The following VWA5B1 variants were observed in gnomAD, a reference collection of about 807,000 sequenced individuals.
The protein encoded by VWA5B1 is von Willebrand factor A domain containing 5B1, also known as von Willebrand factor A domain-containing protein 5B1.
VWA5B1 carries 115 observed loss-of-function variants against 118.2 expected under a neutral mutation model. That is an observed-to-expected ratio of 0.97 (90% CI 0.84 to 1.14). VWA5B1 has a LOEUF of 1.14. VWA5B1 is among the 50% of genes most tolerant of loss of function. The pLI is 0.00. For synonymous variants in VWA5B1, 682 were observed against 658.4 expected (o/e 1.04, Z -0.55); for missense variants, 1,596 against 1,603.8 (o/e 1.00, Z 0.08).
At chr1:20,307,546 A>C (rs2100825158) in intron 1 of VWA5B1, among the ~76,000 whole-genome samples, 1 of 152,368 alleles carries the variant, frequency 6.6e-6, no homozygotes, top group Non-Finnish European at 1.5e-5. Flanking sequence ...TAAATGAGAT[A>C]ATATATGTGC....
At chr1:20,330,142 C>T (rs749772761) in intron 9 of VWA5B1, 38 bp from the exon 10 acceptor site, 38 of 1,549,790 alleles carry the variant, frequency 2.5e-5, no homozygotes, top group South Asian at 8.3e-5. Flanking sequence ...AGTCTCTGTA[C>T]CATACGGTGA....
rs1570254870 is a variant in VWA5B1, at chr1:20,357,905, G to C, written c.*3642G>C. ...CAGCCAGAGGGGAGTTGGTGCTGGG[G>C]GCCTCCTTGTCCAGGTGGAGCAGGA... is the stretch of plus-strand genomic sequence containing the variant. On this transcript the variant is annotated 3_prime_UTR_variant, in exon 22 of 22. Coordinates refer to ENST00000289815, the MANE Select transcript of VWA5B1 (RefSeq NM_001039500.3). 6.6e-6 allele frequency among the ~76,000 whole-genome samples: 1 copy of C among 152,118 alleles called. No individual in the cohort carries two copies. Among genetic ancestry groups the C allele is most frequent in the East Asian group, 1.9e-4 (1 of 5,180 alleles).
In VWA5B1 at chr1:20,327,884, T is replaced by C; in HGVS notation, c.1144-6T>C. The C allele has an allele frequency of 6.4e-7, 1 of 1,551,366 alleles. No individual in the cohort carries two copies. The highest frequency in any genetic ancestry group is 1.7e-4 in the Middle Eastern group (1 of 5,978). ...GAATCCTGAAAACCCCTTTCTCTCC[T>C]GCCAGGATGCCATGTTGGTGGCCCT... is the stretch of plus-strand genomic sequence containing the variant. On this transcript the variant is annotated splice_region_variant and splice_polypyrimidine_tract_variant and intron_variant, in intron 8 of 21. Transcript: ENST00000289815.
intron 1 of VWA5B1, among the ~76,000 whole-genome samples, chr1:20,296,601 C>T (rs2088411101): frequency 6.6e-6 from 1 of 152,204 alleles, no homozygotes; most frequent in Admixed American, 6.5e-5. Flanking sequence ...TAATTCTGTT[C>T]AGGAAAACCA....
chr1:20,353,586 T>C (rs976446875), intron 21 of VWA5B1, among the ~76,000 whole-genome samples, 171 bp from the exon 22 acceptor site: 4 of 152,048 alleles, frequency 2.6e-5, no homozygotes, highest in African/African-American at 9.7e-5. Flanking sequence ...GAATGATCTG[T>C]TTGAAGTGTC....
At chr1:20,304,742 G>A (rs568373317) in intron 1 of VWA5B1, among the ~76,000 whole-genome samples, 1 of 152,146 alleles carries the variant, frequency 6.6e-6, no homozygotes, top group South Asian at 2.1e-4. Flanking sequence ...GACAAGGCTT[G>A]AGGGAAGCTC....
rs768421092 is a variant in VWA5B1 at position 20,350,242 on chromosome 1, G to C, written c.2953+12G>C. 1.9e-6 allele frequency: 3 copies of C among 1,550,832 alleles called. No individual in the cohort carries two copies. The highest frequency in any genetic ancestry group is 1.7e-4 in the Middle Eastern group (1 of 5,992). On this transcript the variant is annotated intron_variant, in intron 19 of 21. Transcript: ENST00000289815. ...CGGTGCTTCTGAAGGTGAGTGGGCAGGTGGCGCTGCCTCTTCATCAAGATG... is the reference window on the plus strand; with the variant it reads ...CGGTGCTTCTGAAGGTGAGTGGGCACGTGGCGCTGCCTCTTCATCAAGATG...
intron 7 of VWA5B1, chr1:20,323,082 A>G: frequency 3.4e-6 from 1 of 295,864 alleles, no homozygotes; most frequent in Admixed American, 5.2e-5. Context: ...ATGGGTAAAT[A>G]GACCCAGAGG....
intron 18 of VWA5B1, among the ~76,000 whole-genome samples, chr1:20,349,847 G>A (rs1173061310): frequency 1.3e-5 from 2 of 150,662 alleles, no homozygotes; most frequent in Non-Finnish European, 2.9e-5. Context: ...ACAACACTGT[G>A]AGATAGATAA....
rs531503740 is a variant in VWA5B1 at position 20,319,476 on chromosome 1, G to A, written c.936G>A (p.Gly312=). The A allele has an allele frequency of 2.6e-6, 4 of 1,551,678 alleles. No individual in the cohort carries two copies. In the African/African-American group the frequency reaches 5.5e-5, roughly 21 times the overall value. ...HLKGRTDFIK[G]MKKKSRAERK... ...AGGGAAGAACAGATTTCATTAAAGG[G>A]ATGAAGAAGAAGAGCAGAGCAGAGC... Residue 312 remains glycine, a synonymous_variant, in exon 7 of 22, where the codon GGG becomes GGA. Coordinates refer to ENST00000289815, the MANE Select transcript of VWA5B1 (RefSeq NM_001039500.3).
intron 1 of VWA5B1, among the ~76,000 whole-genome samples, chr1:20,292,496 G>A (rs2100789833): frequency 1.3e-5 from 2 of 152,364 alleles, no homozygotes; most frequent in Middle Eastern, 3.4e-3. Flanking sequence ...ATTACCTGGA[G>A]GGTAGGGACG....
chr1:20,339,402 T>C (rs2089815019), intron 14 of VWA5B1, among the ~76,000 whole-genome samples: 1 of 151,814 alleles, frequency 6.6e-6, no homozygotes, highest in South Asian at 2.1e-4. Flanking sequence ...ATTAGCCGGG[T>C]GTGGTGGCAC....
chr1:20,336,886 G>C (rs1007037433), intron 13 of VWA5B1, among the ~76,000 whole-genome samples: 1 of 152,174 alleles, frequency 6.6e-6, no homozygotes, highest in Non-Finnish European at 1.5e-5. Flanking sequence ...AAAGCAGAGT[G>C]ACAGGGTGCC....
At chr1:20,308,499 A>T (rs184382672) in intron 1 of VWA5B1, among the ~76,000 whole-genome samples, 3 of 152,094 alleles carry the variant, frequency 2.0e-5, no homozygotes, top group Non-Finnish European at 4.4e-5. Flanking sequence ...GGGAGTGAAC[A>T]TTGGGAGGGG....
At chr1:20,314,713 C>G (rs775168510) in intron 4 of VWA5B1, 121 bp downstream of exon 4, 1 of 1,452,230 alleles carries the variant, frequency 6.9e-7, no homozygotes, top group African/African-American at 1.4e-5. Flanking sequence ...CTCTGCTCTA[C>G]GATTGCCACC....
chr1:20,298,617 C>T (rs534703210), intron 1 of VWA5B1, among the ~76,000 whole-genome samples: 1 of 152,184 alleles, frequency 6.6e-6, no homozygotes, highest in East Asian at 1.9e-4. Context: ...ACTTCTGTGC[C>T]CTTTTATAGA....
intron 19 of VWA5B1, 24 bp from the exon 20 acceptor site, chr1:20,350,833 C>T (rs2090114270): frequency 9.0e-6 from 14 of 1,551,236 alleles, no homozygotes; most frequent in Admixed American, 2.0e-5. Flanking sequence ...CAGGTCTCAA[C>T]TTGGTCATTC....
In VWA5B1 at chr1:20,348,351, A is replaced by G; in HGVS notation, c.2871A>G (p.Pro957=). 6.4e-7 allele frequency: 1 copy of G among 1,551,680 alleles called. No individual in the cohort carries two copies. Among genetic ancestry groups the G allele is most frequent in the South Asian group, 1.2e-5 (1 of 84,058 alleles). Residue 957 remains proline (P), a synonymous_variant, in exon 18 of 22, where the codon CCA becomes CCG. Coordinates refer to ENST00000289815, the MANE Select transcript of VWA5B1 (RefSeq NM_001039500.3). ...PQTMLGEDSA[P]GNDMEASPTA... ...CGATGCTTGGAGAAGATTCGGCACC[A>G]GGAAATGGTAAATTTCAGGCCCTAA... is the stretch of plus-strand genomic sequence containing the variant.
intron 4 of VWA5B1, among the ~76,000 whole-genome samples, chr1:20,316,283 G>A (rs2089004843): frequency 6.6e-6 from 1 of 152,168 alleles, no homozygotes; most frequent in African/African-American, 2.4e-5. Flanking sequence ...CAAGTCCAAA[G>A]GGAGCACGGA....
Sources: allele counts gnomAD v4.1 joint callset (sites outside exome capture counted in the v4.1 genomes callset), GRCh38; gene constraint gnomAD v4.1.1; transcripts MANE v1.5; gene names NCBI Gene and HGNC (gene_info 2026-07-23, HGNC 2026-07-21).